HPSE2: variants seen among roughly 807,000 people sequenced by gnomAD.
HPSE2 encodes inactive heparanase-2.
A neutral mutation model predicts 60.5 loss-of-function variants in HPSE2; 38 were observed. That is an observed-to-expected ratio of 0.63 (90% CI 0.48 to 0.82). The LOEUF is 0.82. Ranked by LOEUF, HPSE2 falls within the 40% of genes least tolerant of loss-of-function variation. The pLI is 0.00. For synonymous variants in HPSE2, 295 were observed against 293.2 expected, an observed-to-expected ratio of 1.01 and a Z score of -0.06; for missense variants, 713 against 740.4, an observed-to-expected ratio of 0.96 and a Z score of 0.43.
Position 99,190,146 on chromosome 10 carries a change from T to C in HPSE2, c.448+42202A>G, listed in dbSNP as rs938361608. On this transcript the variant is annotated intron_variant, in intron 2 of 11. Coordinates refer to ENST00000370552, the MANE Select transcript of HPSE2 (RefSeq NM_021828.5). Reference sequence around the variant, plus strand: ...ACTACCATTTGTTAACTACCTACTATGCATTGGGCATTGTGCTAATACTTT... The same window carrying C: ...ACTACCATTTGTTAACTACCTACTACGCATTGGGCATTGTGCTAATACTTT... Among the ~76,000 whole-genome samples, 4 of 152,364 alleles carry C rather than the reference T, an allele frequency of 2.6e-5. No individual in the cohort carries two copies. In the East Asian group the frequency reaches 7.7e-4, roughly 29 times the overall value.
At chr10:99,300,245 G>T in the HPSE2 span, among the ~76,000 whole-genome samples, 1 of 152,198 alleles carries the variant, frequency 6.6e-6, no homozygotes, top group South Asian at 2.1e-4. Context: ...AGGCTTAAGA[G>T]GGAGTTTAAG....
chr10:99,032,187 G>T (rs1378895419), intron 3 of HPSE2, among the ~76,000 whole-genome samples: 1 of 152,164 alleles, frequency 6.6e-6, no homozygotes, highest in Non-Finnish European at 1.5e-5. Context: ...AACAGCTGTT[G>T]TATCTAGATT....
intron 7 of HPSE2, among the ~76,000 whole-genome samples, chr10:98,641,251 C>T (rs914161847): frequency 2.0e-5 from 3 of 152,090 alleles, no homozygotes. Context: ...CCTTATGAAA[C>T]TCACAAGAAG....
chr10:98,974,909 T>C (rs1165185821), intron 3 of HPSE2, among the ~76,000 whole-genome samples: 1 of 152,212 alleles, frequency 6.6e-6, no homozygotes, highest in Non-Finnish European at 1.5e-5. Context: ...CAAGCCTTCA[T>C]TAGTAAGAAA....
intron 3 of HPSE2, among the ~76,000 whole-genome samples, chr10:98,747,350 C>T (rs1012250685): frequency 7.2e-5 from 11 of 152,076 alleles, no homozygotes; most frequent in African/African-American, 2.7e-4. Context: ...TAGATTGATT[C>T]CATTTAAGTC....
Position 98,992,625 on chromosome 10 carries a change from T to G in HPSE2, c.610+151613A>C, listed in dbSNP as rs906618348. Among the ~76,000 whole-genome samples the G allele has an allele frequency of 4.6e-5, 7 of 152,316 alleles. No individual in the cohort carries two copies. In the East Asian group the frequency reaches 1.3e-3, roughly 29 times the overall value. On this transcript the variant is annotated intron_variant, in intron 3 of 11. Transcript: ENST00000370552. Reference sequence around the variant, plus strand: ...TCAAGAAAAGCACAAAGAAAAGTCTTGCAGTCAAGGATCTTATTATGCAAG... The same window carrying G: ...TCAAGAAAAGCACAAAGAAAAGTCTGGCAGTCAAGGATCTTATTATGCAAG...
Position 98,699,816 on chromosome 10 carries a change from A to G in HPSE2, c.957-5869T>C, listed in dbSNP as rs1479471802. Reference sequence around the variant, plus strand: ...AAGTCTCAGGATACAAAATCAATGTACAAAAATCACAAGCATTCTTATACA... The same window carrying G: ...AAGTCTCAGGATACAAAATCAATGTGCAAAAATCACAAGCATTCTTATACA... On this transcript the variant is annotated intron_variant, in intron 5 of 11. Transcript: ENST00000370552. Among the ~76,000 whole-genome samples, 10 of 120,930 alleles carry G rather than the reference A, an allele frequency of 8.3e-5. No homozygotes were observed. In the East Asian group the frequency reaches 1.9e-3, roughly 23 times the overall value. 79.3% of individuals were successfully genotyped at this position (120,930 alleles called of 152,430 possible).
chr10:99,079,901 A>C (rs974630348), intron 3 of HPSE2, among the ~76,000 whole-genome samples: 1 of 152,168 alleles, frequency 6.6e-6, no homozygotes, highest in Non-Finnish European at 1.5e-5. Context: ...TCCCCAAAAA[A>C]GTTGGAGTAT....
intron 3 of HPSE2, among the ~76,000 whole-genome samples, chr10:99,050,952 C>CGTGTGTGT (rs147438459): frequency 1.3e-5 from 2 of 149,508 alleles, no homozygotes; most frequent in African/African-American, 4.9e-5. Flanking sequence ...TTGATTCAAT[C>CGTGTGTGT]GTGTGTGTGT....
chr10:98,493,759 T>C (rs1941737699), intron 9 of HPSE2, among the ~76,000 whole-genome samples: 1 of 152,356 alleles, frequency 6.6e-6, no homozygotes, highest in South Asian at 2.1e-4. Flanking sequence ...AACCTCTGTC[T>C]TTTGACTGGA....
chr10:98,475,385 C>T (rs1459488054), intron 11 of HPSE2, among the ~76,000 whole-genome samples: 3 of 152,128 alleles, frequency 2.0e-5, no homozygotes, highest in Middle Eastern at 3.2e-3. Context: ...TCCCAAAATG[C>T]TGGGATTACA....
At chr10:98,847,261 C>T (rs1249937942) in intron 3 of HPSE2, among the ~76,000 whole-genome samples, 3 of 152,184 alleles carry the variant, frequency 2.0e-5, no homozygotes, top group Non-Finnish European at 2.9e-5. Flanking sequence ...TATCTGGTAA[C>T]TCATTTAATT....
intron 3 of HPSE2, among the ~76,000 whole-genome samples, chr10:98,947,055 T>A (rs1955207116): frequency 6.6e-6 from 1 of 151,944 alleles, no homozygotes; most frequent in African/African-American, 2.4e-5. Flanking sequence ...AGGAAAGTCA[T>A]AACCTTACAA....
chr10:98,847,614 T>C (rs1311317325), intron 3 of HPSE2, among the ~76,000 whole-genome samples: 1 of 152,238 alleles, frequency 6.6e-6, no homozygotes, highest in Non-Finnish European at 1.5e-5. Flanking sequence ...TGATAGCTTA[T>C]TGATGTCTGC....
chr10:98,481,255 A>G (rs1941223501), intron 11 of HPSE2, among the ~76,000 whole-genome samples: 1 of 152,176 alleles, frequency 6.6e-6, no homozygotes, highest in Non-Finnish European at 1.5e-5. Context: ...AGAAAATCAC[A>G]CCCAGGATGA....
At chr10:99,170,477 C>T (rs926118613) in intron 2 of HPSE2, among the ~76,000 whole-genome samples, 2 of 152,154 alleles carry the variant, frequency 1.3e-5, no homozygotes, top group Non-Finnish European at 2.9e-5. Context: ...GGGTTGGAGG[C>T]TGAACCCAGC....
chr10:99,156,295 C>A (rs1178722289), intron 2 of HPSE2, among the ~76,000 whole-genome samples: 2 of 122,840 alleles, frequency 1.6e-5, no homozygotes, highest in South Asian at 3.1e-4. Context: ...GAGACACAAC[C>A]AAAAAAGAGA....
At chr10:99,305,979 G>GCGCACACACACACACACACACACACA in the HPSE2 span, among the ~76,000 whole-genome samples, 83 of 80,548 alleles carry the variant, frequency 1.0e-3, 3 homozygotes, top group African/African-American at 1.6e-3. Flanking sequence ...GCGCGCGCGC[G>GCGCACACACACACACACACACACACA]CACACACACA....
chr10:98,624,217 T>C (rs1946147557), intron 7 of HPSE2, among the ~76,000 whole-genome samples: 1 of 152,058 alleles, frequency 6.6e-6, no homozygotes, highest in Non-Finnish European at 1.5e-5. Flanking sequence ...TAATAAGTGA[T>C]GGAAGAAAAC....
Sources: gnomAD v4.1 joint callset for allele counts (sites outside exome capture counted in the v4.1 genomes callset) on GRCh38, gnomAD v4.1.1 for gene constraint, MANE v1.5 for transcripts, NCBI Gene and HGNC (gene_info 2026-07-23, HGNC 2026-07-21) for gene names.